The following FAM185A variants were observed in gnomAD, a reference collection of about 807,000 sequenced individuals.
FAM185A encodes family with sequence similarity 185 member A.
FAM185A carries 21 observed loss-of-function variants against 45.7 expected under a neutral mutation model. The ratio of observed to expected loss-of-function variants is 0.46; its 90% CI spans 0.33 to 0.66. FAM185A has a LOEUF of 0.66. Among genes scored for constraint, FAM185A ranks in the 30% least tolerant of loss-of-function variants. The pLI is 0.03. For missense variants in FAM185A, 305 were observed against 485.4 expected, an observed-to-expected ratio of 0.63 and a Z score of 3.49; for synonymous variants, 117 against 194.0, an observed-to-expected ratio of 0.60 and a Z score of 3.30.
At chr7:102,765,952 A>C (rs897752710) in intron 4 of FAM185A, among the ~76,000 whole-genome samples, 3 of 151,996 alleles carry the variant, frequency 2.0e-5, no homozygotes, top group African/African-American at 2.4e-5. Flanking sequence ...TATATGAATA[A>C]TATTTTATTA....
the FAM185A span, among the ~76,000 whole-genome samples, chr7:102,831,431 A>ACACACACACACACACCC: frequency 6.8e-6 from 1 of 147,126 alleles, no homozygotes; most frequent in African/African-American, 2.5e-5. Context: ...ACACACACAC[A>ACACACACACACACACCC]CCCCACTACA....
the FAM185A span, among the ~76,000 whole-genome samples, chr7:102,833,222 T>A: frequency 1.3e-5 from 2 of 152,240 alleles, no homozygotes; most frequent in Non-Finnish European, 2.9e-5. Context: ...TTTCTTGAAG[T>A]TAGGTCTAAT....
At chr7:102,774,669 G>T (rs1308841013) in intron 5 of FAM185A, among the ~76,000 whole-genome samples, 1 of 152,114 alleles carries the variant, frequency 6.6e-6, no homozygotes, top group Admixed American at 6.5e-5. Context: ...GTTGAATTTT[G>T]TCAAACACAT....
chr7:102,796,512 A>T (rs1307938853), intron 7 of FAM185A, among the ~76,000 whole-genome samples: 65 of 152,234 alleles, frequency 4.3e-4, no homozygotes, highest in Admixed American at 4.3e-3. Context: ...TAAACTATAA[A>T]CTAAGTTCCT....
the FAM185A span, among the ~76,000 whole-genome samples, chr7:102,847,189 C>T: frequency 6.6e-6 from 1 of 151,650 alleles, no homozygotes; most frequent in Non-Finnish European, 1.5e-5. Flanking sequence ...AACTACCTGA[C>T]CCTTCAAAAC....
intron 6 of FAM185A, among the ~76,000 whole-genome samples, chr7:102,786,637 A>G (rs1266725915): frequency 6.6e-6 from 1 of 152,138 alleles, no homozygotes; most frequent in African/African-American, 2.4e-5. Context: ...ATGAGAACAC[A>G]TGGACACAGG....
At chr7:102,783,378 A>G (rs1195625914) in intron 6 of FAM185A, among the ~76,000 whole-genome samples, 1 of 152,086 alleles carries the variant, frequency 6.6e-6, no homozygotes. Flanking sequence ...CACTTATTCC[A>G]AAATTGACCA....
the FAM185A span, chr7:102,832,905 T>A: frequency 1.2e-6 from 2 of 1,614,208 alleles, no homozygotes; most frequent in South Asian, 2.2e-5. Flanking sequence ...GCTTTGATAA[T>A]CATATCTGAC....
At chr7:102,776,110 A>ACACACACATATACACACACACACACC (rs1795046425) in intron 5 of FAM185A, among the ~76,000 whole-genome samples, 1 of 123,252 alleles carries the variant, frequency 8.1e-6, no homozygotes, top group African/African-American at 4.0e-5. Context: ...ACACACACAC[A>ACACACACATATACACACACACACACC]CACACAAATG....
intron 7 of FAM185A, among the ~76,000 whole-genome samples, chr7:102,804,537 A>G (rs1469273606): frequency 6.6e-6 from 1 of 152,260 alleles, no homozygotes; most frequent in Non-Finnish European, 1.5e-5. Context: ...TCAACTCAAG[A>G]TGGATTAAAG....
chr7:102,782,913 G>A (rs890199948), intron 6 of FAM185A, among the ~76,000 whole-genome samples: 59 of 150,774 alleles, frequency 3.9e-4, no homozygotes, highest in African/African-American at 1.4e-3. Flanking sequence ...CCCATCTCAC[G>A]TGCAGAGACA....
At chr7:102,786,991 C>T (rs1795845076) in intron 6 of FAM185A, among the ~76,000 whole-genome samples, 2 of 152,104 alleles carry the variant, frequency 1.3e-5, no homozygotes, top group Admixed American at 1.3e-4. Flanking sequence ...AGGGGTCTGG[C>T]TCATATTAAA....
chr7:102,789,516 G>A (rs989368408), intron 7 of FAM185A, among the ~76,000 whole-genome samples: 5 of 152,262 alleles, frequency 3.3e-5, no homozygotes, highest in East Asian at 3.9e-4. Flanking sequence ...CGAGACCAGC[G>A]TGACCAACAT....
At chr7:102,818,976 CA>C in the FAM185A span, among the ~76,000 whole-genome samples, 249 of 152,236 alleles carry the variant, frequency 1.6e-3, 1 homozygote, top group African/African-American at 5.5e-3. Context: ...TGACAGGCCC[CA>C]GTGTGTGTTG....
At chr7:102,840,508 G>T in the FAM185A span, among the ~76,000 whole-genome samples, 77 of 152,314 alleles carry the variant, frequency 5.1e-4, no homozygotes, top group African/African-American at 1.8e-3. Flanking sequence ...GTGTCTATTT[G>T]CACAGCCAGC....
chr7:102,800,753 TA>T (rs1796740081), intron 7 of FAM185A, among the ~76,000 whole-genome samples: 1 of 151,998 alleles, frequency 6.6e-6, no homozygotes, highest in Non-Finnish European at 1.5e-5. Flanking sequence ...TGACCAAATC[TA>T]AGAATAATTG....
intron 4 of FAM185A, among the ~76,000 whole-genome samples, chr7:102,765,807 T>C (rs1490772038): frequency 6.6e-6 from 1 of 151,590 alleles, no homozygotes; most frequent in Non-Finnish European, 1.5e-5. Context: ...ATTCATTGAC[T>C]TATTAAATAT....
At chr7:102,762,708 A>C (rs1008718498) in intron 4 of FAM185A, among the ~76,000 whole-genome samples, 1 of 152,060 alleles carries the variant, frequency 6.6e-6, no homozygotes, top group African/African-American at 2.4e-5. Context: ...TATATGCTTG[A>C]AATAGTTCTG....
the FAM185A span, among the ~76,000 whole-genome samples, chr7:102,838,967 G>T: frequency 9.2e-5 from 14 of 152,120 alleles, no homozygotes; most frequent in African/African-American, 3.4e-4. Flanking sequence ...AAAAGAGGAA[G>T]GCCTCTTGCA....
Sources: allele counts gnomAD v4.1 joint callset (sites outside exome capture counted in the v4.1 genomes callset), GRCh38; gene constraint gnomAD v4.1.1; transcripts MANE v1.5; gene names NCBI Gene and HGNC (gene_info 2026-07-23, HGNC 2026-07-21).